SRGAP1: variants seen among roughly 807,000 people sequenced by gnomAD.
SRGAP1 encodes the protein SLIT-ROBO Rho GTPase activating protein 1.
A neutral mutation model predicts 121.9 loss-of-function variants in SRGAP1; 43 were observed. The ratio of observed to expected loss-of-function variants is 0.35; its 90% CI spans 0.28 to 0.46. SRGAP1 has a LOEUF of 0.46. Ranked by LOEUF, SRGAP1 falls within the 20% of genes least tolerant of loss-of-function variation. The probability of loss-of-function intolerance (pLI) is 1.00; values close to 1 mark genes in which losing one functional copy is unlikely to be tolerated. For synonymous variants in SRGAP1, 447 were observed against 485.4 expected (o/e 0.92, Z 1.04); for missense variants, 1,102 against 1,350.9 (o/e 0.82, Z 2.89).
At chr12:63,926,098 A>G (rs1023943931) in intron 1 of SRGAP1, among the ~76,000 whole-genome samples, 7 of 152,196 alleles carry the variant, frequency 4.6e-5, no homozygotes, top group African/African-American at 1.7e-4. Flanking sequence ...TCTAAAAATG[A>G]TTGGATAATA....
chr12:64,026,926 TCA>T (rs1491498231), intron 4 of SRGAP1, among the ~76,000 whole-genome samples: 2 of 151,800 alleles, frequency 1.3e-5, no homozygotes, highest in Non-Finnish European at 2.9e-5. Context: ...TCTGGAAGAC[TCA>T]GAGAGATTAA....
chr12:63,890,450 A>C (rs1407351299), intron 1 of SRGAP1, among the ~76,000 whole-genome samples: 1 of 152,172 alleles, frequency 6.6e-6, no homozygotes, highest in Non-Finnish European at 1.5e-5. Flanking sequence ...GAGGAAAAAA[A>C]CCACAACATG....
chr12:64,063,884 G>GT (rs892304998), intron 7 of SRGAP1, among the ~76,000 whole-genome samples: 1 of 150,628 alleles, frequency 6.6e-6, no homozygotes, highest in African/African-American at 2.5e-5. Flanking sequence ...TTAATGCTAT[G>GT]TTTTTTTCTG....
intron 8 of SRGAP1, among the ~76,000 whole-genome samples, chr12:64,076,997 A>G (rs2035750550): frequency 6.6e-6 from 1 of 152,182 alleles, no homozygotes; most frequent in Non-Finnish European, 1.5e-5. Flanking sequence ...AAAAGCTGCA[A>G]ACTTACTAAA....
chr12:63,845,685 A>G (rs111992530), intron 1 of SRGAP1, among the ~76,000 whole-genome samples: 42 of 152,276 alleles, frequency 2.8e-4, no homozygotes, highest in African/African-American at 9.6e-4. Context: ...TTTCTCTCCA[A>G]TACAAGTATT....
chr12:64,085,841 C>G (rs965898252), intron 10 of SRGAP1, among the ~76,000 whole-genome samples: 1 of 152,230 alleles, frequency 6.6e-6, no homozygotes, highest in African/African-American at 2.4e-5. Context: ...ATCCCCACTT[C>G]AAGTCATGTC....
intron 1 of SRGAP1, among the ~76,000 whole-genome samples, chr12:63,971,423 G>A (rs956295501): frequency 6.6e-5 from 10 of 152,198 alleles, no homozygotes; most frequent in South Asian, 2.1e-4. Context: ...GAGTACGTAA[G>A]CATTTTTAAA....
intron 1 of SRGAP1, among the ~76,000 whole-genome samples, chr12:63,899,155 G>T (rs1011584437): frequency 1.3e-5 from 2 of 152,100 alleles, no homozygotes; most frequent in Non-Finnish European, 1.5e-5. Flanking sequence ...GCAGAGGTGG[G>T]TGGATCACTT....
At chr12:63,857,507 A>C (rs1445069007) in intron 1 of SRGAP1, among the ~76,000 whole-genome samples, 1 of 151,682 alleles carries the variant, frequency 6.6e-6, no homozygotes, top group African/African-American at 2.4e-5. Flanking sequence ...TCAGCCTCCA[A>C]AGTAGCTGGT....
intron 1 of SRGAP1, among the ~76,000 whole-genome samples, chr12:63,875,465 A>G (rs570101784): frequency 5.3e-4 from 80 of 152,350 alleles, no homozygotes; most frequent in African/African-American, 1.9e-3. Flanking sequence ...AAAATTGCAC[A>G]GTGTTAAATG....
chr12:64,025,477 G>T (rs1032395774), intron 4 of SRGAP1, among the ~76,000 whole-genome samples: 6 of 152,124 alleles, frequency 3.9e-5, no homozygotes, highest in African/African-American at 1.4e-4. Flanking sequence ...GGCATTTTAA[G>T]AATTTGAAAC....
chr12:64,159,162 G>T lies in SRGAP1; in HGVS notation c.*16490G>T, dbSNP rs2037191187. ...AGCAAGACCCCATCCCTACAAAACA[G>T]TTTTTTAAAAAACTAGCTGTAGGGC... On this transcript the variant is annotated 3_prime_UTR_variant, in exon 22 of 22. Coordinates refer to ENST00000355086, the MANE Select transcript of SRGAP1 (RefSeq NM_020762.4). 6.6e-6 allele frequency: 1 copy of T among 152,240 alleles called. No homozygotes were observed. 9.4% of individuals were successfully genotyped at this position (152,240 alleles called of 1,614,324 possible). A position where few individuals can be genotyped will look rare whatever the true frequency, so the allele number is the denominator to read the frequency against.
intron 2 of SRGAP1, 116 bp from the exon 3 acceptor site, chr12:63,989,794 G>C: frequency 1.4e-6 from 1 of 721,360 alleles, no homozygotes; most frequent in Non-Finnish European, 2.3e-6. Flanking sequence ...GCTCAGAGCA[G>C]GATGCACAGC....
intron 1 of SRGAP1, among the ~76,000 whole-genome samples, chr12:63,895,945 C>G (rs1024472195): frequency 6.6e-6 from 1 of 152,148 alleles, no homozygotes; most frequent in Non-Finnish European, 1.5e-5. Flanking sequence ...AAAACATTGC[C>G]TTCTGCCAAA....
At chr12:64,059,079 G>A (rs1012380824) in intron 6 of SRGAP1, among the ~76,000 whole-genome samples, 1 of 152,064 alleles carries the variant, frequency 6.6e-6, no homozygotes, top group African/African-American at 2.4e-5. Context: ...GAAGACACCT[G>A]GGGAGGCTCC....
intron 3 of SRGAP1, among the ~76,000 whole-genome samples, chr12:64,012,981 T>G (rs557117206): frequency 1.2e-4 from 19 of 152,160 alleles, no homozygotes; most frequent in Non-Finnish European, 1.9e-4. Flanking sequence ...CAAGTAATCT[T>G]CCTGCCTCAG....
At chr12:64,142,229 G>A in intron 21 of SRGAP1, 66 bp from the exon 22 acceptor site, 1 of 1,532,360 alleles carries the variant, frequency 6.5e-7, no homozygotes, top group Non-Finnish European at 8.8e-7. Flanking sequence ...TTAAGTGTCT[G>A]GGTTTCTATA....
intron 1 of SRGAP1, among the ~76,000 whole-genome samples, chr12:63,872,416 G>A (rs1262791787): frequency 6.6e-6 from 1 of 152,140 alleles, no homozygotes; most frequent in Admixed American, 6.5e-5. Context: ...CCCCACACTT[G>A]CCTGTGGCCA....
chr12:63,885,367 G>A (rs1017043459), intron 1 of SRGAP1, among the ~76,000 whole-genome samples: 2 of 152,182 alleles, frequency 1.3e-5, no homozygotes, highest in African/African-American at 4.8e-5. Flanking sequence ...GCGAGGTATG[G>A]AGTAAGGCAC....
Sources: gnomAD v4.1 joint callset for allele counts (sites outside exome capture counted in the v4.1 genomes callset) on GRCh38, gnomAD v4.1.1 for gene constraint, MANE v1.5 for transcripts, NCBI Gene and HGNC (gene_info 2026-07-23, HGNC 2026-07-21) for gene names.